The following PHF7 variants were observed in gnomAD, a reference collection of about 807,000 sequenced individuals.
PHF7 encodes the protein E3 ubiquitin-protein ligase PHF7.
PHF7 carries 24 observed loss-of-function variants against 47.5 expected under a neutral mutation model. The observed-to-expected ratio is 0.51, with a 90% CI of 0.37 to 0.71. The LOEUF (loss-of-function observed/expected upper bound fraction) is 0.71. Among genes scored for constraint, PHF7 ranks in the 30% least tolerant of loss-of-function variants. The pLI, the probability that PHF7 is intolerant of heterozygous loss-of-function variation, is 0.00. For synonymous variants in PHF7, 156 were observed against 153.8 expected (o/e 1.01, Z -0.11); for missense variants, 361 against 456.8 (o/e 0.79, Z 1.91).
intron 2 of PHF7, 84 bp downstream of exon 2, chr3:52,413,004 A>T: frequency 9.7e-7 from 1 of 1,032,688 alleles, no homozygotes; most frequent in Non-Finnish European, 1.5e-6. Flanking sequence ...CCTTTGTCGT[A>T]GTCTTGGGGG....
chr3:52,414,155 T>A, intron 3 of PHF7, 107 bp downstream of exon 3: 1 of 742,232 alleles, frequency 1.3e-6, no homozygotes, highest in Non-Finnish European at 2.4e-6. Flanking sequence ...CCAGCCCTAC[T>A]TCCTTCCTAG....
At chr3:52,419,973 C>T in intron 5 of PHF7, 39 bp downstream of exon 5, 3 of 1,076,510 alleles carry the variant, frequency 2.8e-6, no homozygotes, top group Non-Finnish European at 4.1e-6. Flanking sequence ...GGGTAGGCCT[C>T]TTTTCATACC....
At chr3:52,419,210 T>A (rs985108113) in intron 4 of PHF7, among the ~76,000 whole-genome samples, 1 of 152,064 alleles carries the variant, frequency 6.6e-6, no homozygotes, top group African/African-American at 2.4e-5. Context: ...AGAGCAAAAG[T>A]AAGAGTCCAG....
At chr3:52,422,083 G>A in intron 8 of PHF7, 139 bp from the exon 9 acceptor site, 1 of 711,578 alleles carries the variant, frequency 1.4e-6, no homozygotes. Context: ...AGGCCACTTG[G>A]CCAGCCTTGT....
chr3:52,418,254 T>G (rs1559600019), intron 4 of PHF7, among the ~76,000 whole-genome samples: 1 of 152,230 alleles, frequency 6.6e-6, no homozygotes, highest in Non-Finnish European at 1.5e-5. Flanking sequence ...GTGTCAGGGC[T>G]TAGTTATAAT....
intron 4 of PHF7, among the ~76,000 whole-genome samples, chr3:52,418,288 C>T (rs903282001): frequency 2.0e-5 from 3 of 152,146 alleles, no homozygotes; most frequent in African/African-American, 2.4e-5. Flanking sequence ...CAAGCATATA[C>T]ATTTTTTACA....
At position 52,411,640 on chromosome 3, in the gene PHF7, G is replaced by GCTGT. The variant is rs1342887907; in HGVS notation, c.-70+395_-70+398dup. ...TCACCCAGCCCTCCTTCTAAGAAAT[G>GCTGT]CTGTCCTTCTCCTCTCCCCTGACTA... On this transcript the variant is annotated intron_variant, in intron 1 of 10. Transcript: ENST00000327906. Among the ~76,000 whole-genome samples, 3 of 152,198 alleles carry GCTGT rather than the reference G, an allele frequency of 2.0e-5. No individual in the cohort carries two copies. The East Asian group carries it at 5.8e-4, about 29-fold the overall frequency.
rs1351830441 is a variant in PHF7, at chr3:52,423,450, G to C, written c.*133G>C. The C allele has an allele frequency of 1.1e-5, 7 of 628,508 alleles. No homozygotes were observed. Among genetic ancestry groups the C allele is most frequent in the African/African-American group, 1.8e-5 (1 of 54,236 alleles). 38.9% of individuals were successfully genotyped at this position (628,508 alleles called of 1,614,324 possible). ...GCAGTGAGACTATGAGCCAAGCAAA[G>C]AGAAGTCTCAGTGGAGCATGAGGAG... On this transcript the variant is annotated 3_prime_UTR_variant, in exon 11 of 11. Transcript: ENST00000327906.
intron 4 of PHF7, among the ~76,000 whole-genome samples, chr3:52,418,199 G>A (rs922497807): frequency 3.3e-5 from 5 of 152,188 alleles, no homozygotes; most frequent in African/African-American, 1.2e-4. Flanking sequence ...CTGTGCTCAT[G>A]AGAAAGATTG....
In PHF7 at chr3:52,422,335, A is replaced by T; in HGVS notation, c.794A>T (p.Glu265Val). ...CAAGGCAGAGACAGCTTTGAGGATG[A>T]AGGGTAGGGGAAGGCTTCTGGCTAG... ...YEQGRDSFEDEGRWCLILCAT... is the reference protein window; with the variant it reads ...YEQGRDSFEDVGRWCLILCAT... Residue 265 changes from glutamate (E) to valine (V), a missense_variant, in exon 9 of 11, where the codon GAA becomes GTA. Coordinates refer to ENST00000327906, the MANE Select transcript of PHF7 (RefSeq NM_016483.7). 10 of 1,591,584 alleles carry T rather than the reference A, an allele frequency of 6.3e-6. No individual in the cohort carries two copies. The highest frequency in any genetic ancestry group is 8.6e-6 in the Non-Finnish European group (10 of 1,159,310).
At chr3:52,420,169 G>A (rs1329931707) in intron 5 of PHF7, 142 bp from the exon 6 acceptor site, 7 of 944,994 alleles carry the variant, frequency 7.4e-6, no homozygotes, top group East Asian at 4.8e-5. Context: ...CTCAGCTTCC[G>A]GGTGCCCCAG....
At chr3:52,414,187 T>C in intron 3 of PHF7, 139 bp downstream of exon 3, 2 of 639,428 alleles carry the variant, frequency 3.1e-6, no homozygotes, top group East Asian at 5.5e-5. Context: ...TCTTGAGGAC[T>C]CAGGAACTGC....
In PHF7 at chr3:52,423,247, G is replaced by C; in HGVS notation, c.1076G>C (p.Arg359Pro). Residue 359 changes from arginine to proline, a missense_variant, in exon 11 of 11, where the codon CGT becomes CCT. Coordinates refer to ENST00000327906, the MANE Select transcript of PHF7 (RefSeq NM_016483.7). ...PSLLEKPESS[R>P]GRRSYSWRSK... is the part of the protein sequence containing the mutation. The stretch of plus-strand genomic sequence containing the variant: ...TTATTAGAAAAGCCAGAGTCCTCTC[G>C]TGGCAGGAGGAGCTACTCCTGGAGG... The C allele has an allele frequency of 6.2e-7, 1 of 1,614,120 alleles. No homozygotes were observed. Among genetic ancestry groups the C allele is most frequent in the Non-Finnish European group, 8.5e-7 (1 of 1,179,982 alleles).
At chr3:52,422,912 G>A (rs1253529737) in intron 10 of PHF7, 31 bp downstream of exon 10, 1 of 1,613,790 alleles carries the variant, frequency 6.2e-7, no homozygotes, top group Non-Finnish European at 8.5e-7. Context: ...CGGCCTCAGA[G>A]CAAGGAGGGG....
chr3:52,420,517 C>A (rs1052572376), intron 6 of PHF7, 82 bp downstream of exon 6: 3 of 1,357,834 alleles, frequency 2.2e-6, no homozygotes, highest in South Asian at 1.2e-5. Context: ...CCAGTTCTCA[C>A]AAGCAGGCCT....
rs1342874428 is a variant in PHF7 at position 52,421,078 on chromosome 3, C to T, written c.573+16C>T. On this transcript the variant is annotated intron_variant, in intron 7 of 10. Transcript: ENST00000327906. ...GTGCATACAGGTGGGGCTTTTTCCGCCCTGGGTCCCTTCCACCATTGCCCT... is the reference window on the plus strand; with the variant it reads ...GTGCATACAGGTGGGGCTTTTTCCGTCCTGGGTCCCTTCCACCATTGCCCT... The T allele has an allele frequency of 1.3e-6, 2 of 1,586,742 alleles. No homozygotes were observed. Among genetic ancestry groups the T allele is most frequent in the Non-Finnish European group, 1.7e-6 (2 of 1,166,406 alleles).
At position 52,423,380 on chromosome 3, in the gene PHF7, T is replaced by C; in HGVS notation, c.*63T>C. Reference sequence around the variant, plus strand: ...TGAAGCTGCGCTCCTCCATCGGGTTTGGGGAGGGAGCACTCTGGGACTGTG... The same window carrying C: ...TGAAGCTGCGCTCCTCCATCGGGTTCGGGGAGGGAGCACTCTGGGACTGTG... On this transcript the variant is annotated 3_prime_UTR_variant, in exon 11 of 11. Coordinates refer to ENST00000327906, the MANE Select transcript of PHF7 (RefSeq NM_016483.7). 9.2e-7 allele frequency: 1 copy of C among 1,084,690 alleles called. No homozygotes were observed. The highest frequency in any genetic ancestry group is 1.4e-6 in the Non-Finnish European group (1 of 724,020). The allele number at this position is 1,084,690 out of a possible 1,614,324, so 67.2% of individuals were successfully genotyped here. A position where few individuals can be genotyped will look rare whatever the true frequency, so the allele number is the denominator to read the frequency against.
At chr3:52,417,592 T>C (rs1705662991) in intron 4 of PHF7, among the ~76,000 whole-genome samples, 3 of 152,362 alleles carry the variant, frequency 2.0e-5, no homozygotes, top group South Asian at 2.1e-4. Flanking sequence ...TGCTGGTATA[T>C]AGAAATGCAT....
Position 52,412,807 on chromosome 3 carries a change from A to G in PHF7, c.-69-4A>G. On this transcript the variant is annotated splice_region_variant and splice_polypyrimidine_tract_variant and intron_variant, in intron 1 of 10. Coordinates refer to ENST00000327906, the MANE Select transcript of PHF7 (RefSeq NM_016483.7). ...TGCTTACCAAACCCCATTTATATTT[A>G]TAGCTGGAAGAGCCTGTATTGTCCT... 3 of 1,220,214 alleles carry G rather than the reference A, an allele frequency of 2.5e-6. No individual in the cohort carries two copies. The highest frequency in any genetic ancestry group is 3.6e-6 in the Non-Finnish European group (3 of 837,392). 75.6% of individuals were successfully genotyped at this position (1,220,214 alleles called of 1,614,324 possible). A position where few individuals can be genotyped will look rare whatever the true frequency, so the allele number is the denominator to read the frequency against.
Sources: gnomAD v4.1 joint callset for allele counts (sites outside exome capture counted in the v4.1 genomes callset) on GRCh38, gnomAD v4.1.1 for gene constraint, MANE v1.5 for transcripts, NCBI Gene and HGNC (gene_info 2026-07-23, HGNC 2026-07-21) for gene names.